Variants in DYM observed in about 807,000 individuals in gnomAD.
The protein encoded by DYM is dymeclin.
A neutral mutation model predicts 93.1 loss-of-function variants in DYM; 78 were observed. That is an observed-to-expected ratio of 0.84 (90% CI 0.70 to 1.01). The LOEUF (loss-of-function observed/expected upper bound fraction) is 1.01. Among genes scored for constraint, DYM ranks in the 50% least tolerant of loss-of-function variants. The probability of loss-of-function intolerance (pLI) is 0.00; values close to 1 mark genes in which losing one functional copy is unlikely to be tolerated. For synonymous variants in DYM, 321 were observed against 319.7 expected (o/e 1.00, Z -0.04); for missense variants, 789 against 845.0 (o/e 0.93, Z 0.82).
chr18:49,438,746 T>C (rs1160154283), intron 1 of DYM, among the ~76,000 whole-genome samples: 2 of 152,082 alleles, frequency 1.3e-5, no homozygotes, highest in East Asian at 3.8e-4. Context: ...AGTTCAGACA[T>C]AGTAAGACCA....
At chr18:49,310,993 G>T (rs575837171) in intron 8 of DYM, among the ~76,000 whole-genome samples, 69 of 152,268 alleles carry the variant, frequency 4.5e-4, no homozygotes, top group Admixed American at 9.8e-4. Flanking sequence ...TAAAAATGAT[G>T]AATTAAGTAT....
chr18:49,197,277 G>A (rs1300798614), intron 14 of DYM, among the ~76,000 whole-genome samples: 1 of 149,810 alleles, frequency 6.7e-6, no homozygotes, highest in African/African-American at 2.4e-5. Context: ...TAAGGTAAGA[G>A]TTTAAGTACA....
intron 8 of DYM, among the ~76,000 whole-genome samples, chr18:49,290,004 T>C (rs955484515): frequency 4.0e-5 from 6 of 151,324 alleles, no homozygotes; most frequent in Non-Finnish European, 7.4e-5. Flanking sequence ...TACAGGACTT[T>C]TTAAAGTACA....
chr18:49,093,321 T>TC (rs1203279557), intron 17 of DYM: 3 of 152,266 alleles, frequency 2.0e-5, no homozygotes, highest in Non-Finnish European at 4.4e-5. Context: ...GCTGACAGCG[T>TC]TGGAGCACAG....
At chr18:49,180,283 G>A (rs1004785450) in intron 14 of DYM, among the ~76,000 whole-genome samples, 1 of 152,036 alleles carries the variant, frequency 6.6e-6, no homozygotes, top group African/African-American at 2.4e-5. Flanking sequence ...TAATTTCTGT[G>A]TTCCTTTTGA....
intron 16 of DYM, among the ~76,000 whole-genome samples, chr18:49,107,819 G>A (rs369448581): frequency 5.9e-5 from 9 of 152,176 alleles, no homozygotes; most frequent in African/African-American, 1.9e-4. Context: ...TGCCCCTACT[G>A]GGGGGTGCCT....
At chr18:49,117,823 T>C (rs990755393) in intron 16 of DYM, among the ~76,000 whole-genome samples, 4 of 152,130 alleles carry the variant, frequency 2.6e-5, no homozygotes, top group Non-Finnish European at 4.4e-5. Flanking sequence ...TTTGTCTTCG[T>C]CTTTCTTTGT....
chr18:49,046,109 C>G (rs2071477611), intron 17 of DYM, among the ~76,000 whole-genome samples: 2 of 139,826 alleles, frequency 1.4e-5, no homozygotes, highest in South Asian at 4.6e-4. Context: ...CACCCACACC[C>G]ACATCCCCAA....
chr18:49,252,853 A>C (rs1440338420), intron 13 of DYM, among the ~76,000 whole-genome samples: 2 of 152,236 alleles, frequency 1.3e-5, no homozygotes, highest in Non-Finnish European at 2.9e-5. Flanking sequence ...TACTCTTTAT[A>C]AATGTCTTGA....
chr18:49,420,887 C>T (rs1316694397), intron 2 of DYM, among the ~76,000 whole-genome samples: 1 of 152,134 alleles, frequency 6.6e-6, no homozygotes, highest in East Asian at 1.9e-4. Context: ...CTCGGAGGGT[C>T]CCACACCCAC....
intron 1 of DYM, among the ~76,000 whole-genome samples, chr18:49,454,933 C>T (rs1331565280): frequency 7.3e-6 from 1 of 137,050 alleles, no homozygotes; most frequent in Non-Finnish European, 1.6e-5. Context: ...AAAAAAAAAT[C>T]TGCTGCGGTC....
intron 2 of DYM, among the ~76,000 whole-genome samples, chr18:49,415,702 T>G (rs1600082870): frequency 6.6e-6 from 1 of 151,476 alleles, no homozygotes; most frequent in Non-Finnish European, 1.5e-5. Context: ...CTGATGTGGG[T>G]GGATTGCTTG....
rs2070727321 is a variant in DYM at position 49,036,977 on chromosome 18, C to A, written c.*7078G>T. Among the ~76,000 whole-genome samples, 1 of 152,168 alleles carries A rather than the reference C, an allele frequency of 6.6e-6. No homozygotes were observed. The highest frequency in any genetic ancestry group is 2.1e-4 in the South Asian group (1 of 4,826). On this transcript the variant is annotated 3_prime_UTR_variant, in exon 18 of 18. Transcript: ENST00000675505. ...AGTGCAGTGGCACAATCTCTGCCCA[C>A]TGAACCCTCCACCTCCCAGGTTCAA...
chr18:49,219,919 G>GGAA (rs917324105), intron 13 of DYM, among the ~76,000 whole-genome samples: 13 of 140,794 alleles, frequency 9.2e-5, no homozygotes, highest in Admixed American at 6.5e-4. Flanking sequence ...CAATTAGGCA[G>GGAA]AAGGAAATAA....
At chr18:49,259,941 G>A (rs1325277467) in intron 11 of DYM, among the ~76,000 whole-genome samples, 1 of 152,118 alleles carries the variant, frequency 6.6e-6, no homozygotes, top group African/African-American at 2.4e-5. Flanking sequence ...AACAGGGAGA[G>A]CAAACAGACC....
intron 14 of DYM, among the ~76,000 whole-genome samples, chr18:49,196,606 G>C (rs1600535822): frequency 6.6e-6 from 1 of 152,098 alleles, no homozygotes; most frequent in African/African-American, 2.4e-5. Flanking sequence ...CTTGTCTGAG[G>C]AAGTGAAAAA....
At chr18:49,183,785 C>A (rs1298388837) in intron 14 of DYM, among the ~76,000 whole-genome samples, 1 of 152,070 alleles carries the variant, frequency 6.6e-6, no homozygotes, top group East Asian at 1.9e-4. Flanking sequence ...AAGCCCTAAC[C>A]TCTAGTATCG....
intron 3 of DYM, among the ~76,000 whole-genome samples, chr18:49,382,313 C>T (rs183154721): frequency 2.3e-4 from 35 of 152,284 alleles, no homozygotes; most frequent in African/African-American, 7.9e-4. Flanking sequence ...GTAAAGAGAA[C>T]TCCCTGTCTT....
At chr18:49,271,632 A>G (rs1172861734) in intron 11 of DYM, among the ~76,000 whole-genome samples, 1 of 152,080 alleles carries the variant, frequency 6.6e-6, no homozygotes, top group African/African-American at 2.4e-5. Context: ...TTGTACTTCT[A>G]TACAAGTTTT....
Sources: allele counts gnomAD v4.1 joint callset (sites outside exome capture counted in the v4.1 genomes callset), GRCh38; gene constraint gnomAD v4.1.1; transcripts MANE v1.5; gene names NCBI Gene and HGNC (gene_info 2026-07-23, HGNC 2026-07-21).